Variants in PDE1A observed in about 807,000 individuals in gnomAD.
The protein encoded by PDE1A is dual specificity calcium/calmodulin-dependent 3',5'-cyclic nucleotide phosphodiesterase 1A.
Under a neutral mutation model 61.7 loss-of-function variants are expected in PDE1A, and 35 were observed. The observed-to-expected ratio is 0.57, with a 90% CI of 0.43 to 0.75. The LOEUF (loss-of-function observed/expected upper bound fraction) is 0.75, where lower values mean the gene tolerates loss of function less well. Among genes scored for constraint, PDE1A ranks in the 30% least tolerant of loss-of-function variants. The pLI, the probability that PDE1A is intolerant of heterozygous loss-of-function variation, is 0.00. For missense variants in PDE1A, 597 were observed against 630.6 expected, an observed-to-expected ratio of 0.95 and a Z score of 0.57; for synonymous variants, 232 against 213.2, an observed-to-expected ratio of 1.09 and a Z score of -0.77.
chr2:182,466,950 C>T (rs560436616), intron 2 of PDE1A, among the ~76,000 whole-genome samples: 10 of 152,088 alleles, frequency 6.6e-5, no homozygotes, highest in Admixed American at 3.9e-4. Flanking sequence ...TCTTCCCATA[C>T]GGGTATACTA....
the PDE1A span, among the ~76,000 whole-genome samples, chr2:182,609,430 A>G: frequency 6.6e-6 from 1 of 152,230 alleles, no homozygotes; most frequent in Admixed American, 6.5e-5. Context: ...TCTTTGCAAT[A>G]AATCTTGCTG....
chr2:182,149,643 G>GAA (rs1378871660), intron 13 of PDE1A, among the ~76,000 whole-genome samples: 3 of 151,994 alleles, frequency 2.0e-5, no homozygotes, highest in African/African-American at 7.3e-5. Flanking sequence ...AATTAACTTG[G>GAA]GCAGTACTGC....
chr2:182,623,871 A>AT, the PDE1A span, among the ~76,000 whole-genome samples: 2 of 152,124 alleles, frequency 1.3e-5, no homozygotes, highest in Admixed American at 6.5e-5. Context: ...CACGCCTGTA[A>AT]CCCCAGCACT....
chr2:182,171,249 G>C (rs1291713686), intron 13 of PDE1A, among the ~76,000 whole-genome samples: 5 of 151,984 alleles, frequency 3.3e-5, no homozygotes, highest in African/African-American at 1.2e-4. Flanking sequence ...AAAATGTCCT[G>C]AGGGTAATGA....
chr2:182,671,909 G>A, the PDE1A span, among the ~76,000 whole-genome samples: 4 of 151,902 alleles, frequency 2.6e-5, no homozygotes, highest in Non-Finnish European at 4.4e-5. Context: ...TTGAGCCACC[G>A]TGCCCGGCCG....
At chr2:182,301,037 G>C (rs7606009) in intron 1 of PDE1A, among the ~76,000 whole-genome samples, 36,325 of 152,028 alleles carry the variant, frequency 0.24, 4,708 homozygotes, top group East Asian at 0.42. Context: ...TTTAGATATG[G>C]GTTTAGCTTT....
At chr2:182,349,897 T>C (rs1268485668) in intron 1 of PDE1A, among the ~76,000 whole-genome samples, 1 of 152,196 alleles carries the variant, frequency 6.6e-6, no homozygotes, top group Admixed American at 6.5e-5. Context: ...TTTTTACTAC[T>C]GTATTTTTTT....
intron 1 of PDE1A, among the ~76,000 whole-genome samples, chr2:182,391,942 CTCAA>C (rs1300706563): frequency 6.6e-6 from 1 of 152,180 alleles, no homozygotes. Flanking sequence ...ATCATGACCC[CTCAA>C]TCAGTTTTCA....
At chr2:182,176,117 G>A (rs1444589433) in intron 13 of PDE1A, among the ~76,000 whole-genome samples, 2 of 147,420 alleles carry the variant, frequency 1.4e-5, no homozygotes, top group African/African-American at 2.6e-5. Flanking sequence ...GTCAGGTAGT[G>A]TGATGCCTCC....
chr2:182,153,437 A>C (rs16822749), intron 13 of PDE1A, among the ~76,000 whole-genome samples: 4,977 of 152,312 alleles, frequency 0.033, 249 homozygotes, highest in African/African-American at 0.11. Flanking sequence ...AACTACTGTG[A>C]GCTCCTACCC....
intron 1 of PDE1A, among the ~76,000 whole-genome samples, chr2:182,274,750 A>G (rs1693282689): frequency 6.6e-6 from 1 of 152,100 alleles, no homozygotes; most frequent in Non-Finnish European, 1.5e-5. Context: ...AGAAAAAACT[A>G]AAGTTGAATG....
intron 11 of PDE1A, among the ~76,000 whole-genome samples, chr2:182,187,737 CTTTTTT>C (rs1038970569): frequency 1.2e-4 from 8 of 66,380 alleles, no homozygotes; most frequent in Admixed American, 4.6e-4. Flanking sequence ...TTTTTTTGTT[CTTTTTT>C]TTTTTTTTTT....
At chr2:182,309,498 A>T (rs925341555) in intron 1 of PDE1A, among the ~76,000 whole-genome samples, 4 of 152,130 alleles carry the variant, frequency 2.6e-5, no homozygotes, top group African/African-American at 9.7e-5. Flanking sequence ...AAAGTGTCAG[A>T]AGAAACTTAG....
At chr2:182,215,512 C>T (rs988438694) in intron 7 of PDE1A, among the ~76,000 whole-genome samples, 2 of 151,514 alleles carry the variant, frequency 1.3e-5, no homozygotes, top group African/African-American at 2.4e-5. Context: ...AATTGACAGA[C>T]CGCTAGCAAG....
intron 1 of PDE1A, among the ~76,000 whole-genome samples, chr2:182,273,619 T>C (rs956603198): frequency 6.6e-6 from 1 of 152,068 alleles, no homozygotes; most frequent in African/African-American, 2.4e-5. Flanking sequence ...TGAAACAAAC[T>C]ATGATGGCTG....
At chr2:182,473,398 C>A (rs1343205076) in intron 2 of PDE1A, among the ~76,000 whole-genome samples, 1 of 151,880 alleles carries the variant, frequency 6.6e-6, no homozygotes, top group Non-Finnish European at 1.5e-5. Flanking sequence ...GGGCTAATAT[C>A]CAGAATCTAC....
chr2:182,182,131 T>C (rs1039968132), intron 13 of PDE1A, among the ~76,000 whole-genome samples: 1 of 152,194 alleles, frequency 6.6e-6, no homozygotes, highest in Admixed American at 6.6e-5. Flanking sequence ...AGCAAAATTG[T>C]CGAGAAGTAT....
At chr2:182,562,664 G>A in the PDE1A span, among the ~76,000 whole-genome samples, 96,133 of 151,226 alleles carry the variant, frequency 0.64, 34,178 homozygotes, top group East Asian at 0.95. Flanking sequence ...GGTAGAATTC[G>A]GCTGTGAATC....
chr2:182,573,391 A>AT, the PDE1A span, among the ~76,000 whole-genome samples: 1 of 152,306 alleles, frequency 6.6e-6, no homozygotes, highest in East Asian at 1.9e-4. Flanking sequence ...TAAGGAAATC[A>AT]TTTTTTAAAA....
Sources: allele counts gnomAD v4.1 joint callset (sites outside exome capture counted in the v4.1 genomes callset), GRCh38; gene constraint gnomAD v4.1.1; transcripts MANE v1.5; gene names NCBI Gene and HGNC (gene_info 2026-07-23, HGNC 2026-07-21).